NECAB1: variants seen among roughly 807,000 people sequenced by gnomAD.
The protein encoded by NECAB1 is N-terminal EF-hand calcium binding protein 1, also known as N-terminal EF-hand calcium-binding protein 1.
In NECAB1, 29 loss-of-function variants were observed where a neutral mutation model predicts 57.5. That is an observed-to-expected ratio of 0.50 (90% CI 0.38 to 0.69). The LOEUF (loss-of-function observed/expected upper bound fraction) is 0.69. Among genes scored for constraint, NECAB1 ranks in the 30% least tolerant of loss-of-function variants. NECAB1 has a pLI of 0.00. For missense variants in NECAB1, 372 were observed against 413.8 expected (o/e 0.90, Z 0.88); for synonymous variants, 142 against 147.7 (o/e 0.96, Z 0.28).
chr8:90,856,182 G>C (rs1812790812), intron 3 of NECAB1, among the ~76,000 whole-genome samples: 1 of 152,162 alleles, frequency 6.6e-6, no homozygotes, highest in African/African-American at 2.4e-5. Flanking sequence ...CAAGGTAACA[G>C]TTTCAGTCAC....
chr8:90,792,444 C>A (rs1232178338), intron 1 of NECAB1, among the ~76,000 whole-genome samples: 8 of 152,194 alleles, frequency 5.3e-5, no homozygotes, highest in African/African-American at 1.9e-4. Flanking sequence ...CTCCCCCAGA[C>A]CCCCTCGGAA....
At chr8:90,917,961 CAT>C (rs775167636) in intron 6 of NECAB1, among the ~76,000 whole-genome samples, 174 of 38,262 alleles carry the variant, frequency 4.5e-3, no homozygotes, top group Middle Eastern at 0.014. Flanking sequence ...TACACACACA[CAT>C]ATGTGTGTGT....
chr8:90,876,470 G>A (rs1176122808), intron 4 of NECAB1, among the ~76,000 whole-genome samples: 1 of 151,958 alleles, frequency 6.6e-6, no homozygotes, highest in Non-Finnish European at 1.5e-5. Flanking sequence ...CTAAACTCAT[G>A]AGAATACTTT....
chr8:90,841,225 ACTCCAGCCTAGGTGACAGAG>A (rs1236422792), intron 3 of NECAB1, among the ~76,000 whole-genome samples: 1 of 151,614 alleles, frequency 6.6e-6, no homozygotes, highest in Admixed American at 6.6e-5. Flanking sequence ...GCATCACTGC[ACTCCAGCCTAGGTGACAGAG>A]CGAGACTCTG....
At chr8:90,832,125 TACTGAAACCCATTTACTTGCTTTA>T (rs1465332836) in intron 3 of NECAB1, among the ~76,000 whole-genome samples, 2 of 152,156 alleles carry the variant, frequency 1.3e-5, no homozygotes, top group Non-Finnish European at 2.9e-5. Flanking sequence ...CTTCAACAAT[TACTGAAACCCATTTACTTGCTTTA>T]ACTGAAACCC....
At chr8:90,864,060 C>T (rs941627268) in intron 3 of NECAB1, among the ~76,000 whole-genome samples, 9 of 151,952 alleles carry the variant, frequency 5.9e-5, no homozygotes, top group Non-Finnish European at 7.4e-5. Flanking sequence ...TGTTTAGAAA[C>T]GTTTATAGCA....
chr8:90,820,355 C>T (rs1303162630), intron 2 of NECAB1, among the ~76,000 whole-genome samples: 1 of 151,732 alleles, frequency 6.6e-6, no homozygotes, highest in Non-Finnish European at 1.5e-5. Flanking sequence ...TGTTTTAAAA[C>T]AAATATATGA....
chr8:90,930,040 A>C (rs73298056), intron 8 of NECAB1, among the ~76,000 whole-genome samples: 4,936 of 152,322 alleles, frequency 0.032, 253 homozygotes, highest in African/African-American at 0.11. Context: ...ACCAAAAAAA[A>C]TCCTTTAGAT....
intron 5 of NECAB1, among the ~76,000 whole-genome samples, chr8:90,913,776 G>A (rs546048970): frequency 1.3e-5 from 2 of 152,276 alleles, no homozygotes; most frequent in South Asian, 4.1e-4. Context: ...AACATCTGCT[G>A]CATATCTGAG....
chr8:90,824,794 CT>C lies in NECAB1; in HGVS notation c.206del (p.Phe69SerfsTer32). On this transcript the variant is annotated frameshift_variant, in exon 3 of 13. Transcript: ENST00000417640. LOFTEE classifies it high-confidence loss of function. ...TCTCAGTGGAGAAGAATTACACGAG[CT>C]TTTCCATACCATTGATACACATAAT... ...GVLSGEELHE[L>X]FHTIDTHNTN... is the part of the protein sequence containing the mutation. 2 of 1,548,882 alleles carry C rather than the reference CT, an allele frequency of 1.3e-6. No individual in the cohort carries two copies. The highest frequency in any genetic ancestry group is 1.7e-6 in the Non-Finnish European group (2 of 1,143,728).
intron 5 of NECAB1, among the ~76,000 whole-genome samples, chr8:90,898,101 G>C (rs1195608356): frequency 6.6e-6 from 1 of 152,012 alleles, no homozygotes; most frequent in African/African-American, 2.4e-5. Flanking sequence ...CTTGCCTATA[G>C]AACATCTCTG....
At chr8:90,886,168 A>G (rs1808981125) in intron 5 of NECAB1, among the ~76,000 whole-genome samples, 1 of 152,206 alleles carries the variant, frequency 6.6e-6, no homozygotes, top group Non-Finnish European at 1.5e-5. Context: ...TTTACTTACT[A>G]GAATGAAATA....
chr8:90,868,396 A>G (rs1808558711), intron 3 of NECAB1, among the ~76,000 whole-genome samples: 1 of 152,206 alleles, frequency 6.6e-6, no homozygotes, highest in Non-Finnish European at 1.5e-5. Flanking sequence ...AGAAGAAGAC[A>G]GGAAGATGAG....
At chr8:90,824,046 CA>C (rs11354220) in intron 2 of NECAB1, among the ~76,000 whole-genome samples, 151,888 of 151,888 alleles carry the variant, frequency 1, 75,944 homozygotes, top group Non-Finnish European at 1. Flanking sequence ...TTTTGTTACC[CA>C]AAACTCCCAT....
chr8:90,854,152 A>G (rs768951387), intron 3 of NECAB1, among the ~76,000 whole-genome samples: 16 of 152,260 alleles, frequency 1.1e-4, no homozygotes, highest in Middle Eastern at 3.4e-3. Flanking sequence ...GTCAATTTCT[A>G]TATTTATTCA....
intron 3 of NECAB1, among the ~76,000 whole-genome samples, chr8:90,836,027 C>T (rs903545026): frequency 3.9e-5 from 6 of 152,134 alleles, no homozygotes; most frequent in African/African-American, 1.4e-4. Flanking sequence ...CTCAGTTAAA[C>T]TCAAGCACTT....
At chr8:90,951,843 G>A (rs1020343573) in intron 12 of NECAB1, among the ~76,000 whole-genome samples, 1 of 152,188 alleles carries the variant, frequency 6.6e-6, no homozygotes, top group Middle Eastern at 3.4e-3. Context: ...TTGGAGAAGT[G>A]ATTACTTCTT....
intron 2 of NECAB1, among the ~76,000 whole-genome samples, chr8:90,803,654 C>T (rs996193365): frequency 1.3e-5 from 2 of 152,102 alleles, no homozygotes; most frequent in African/African-American, 4.8e-5. Flanking sequence ...CCTTCCTTAC[C>T]GCCTCTCCTA....
intron 5 of NECAB1, among the ~76,000 whole-genome samples, chr8:90,881,346 G>T (rs1371561337): frequency 6.6e-6 from 1 of 152,198 alleles, no homozygotes; most frequent in East Asian, 1.9e-4. Context: ...GATACAAAGA[G>T]CTGTTAGAAT....
Sources: allele counts gnomAD v4.1 joint callset (sites outside exome capture counted in the v4.1 genomes callset), GRCh38; gene constraint gnomAD v4.1.1; transcripts MANE v1.5; gene names NCBI Gene and HGNC (gene_info 2026-07-23, HGNC 2026-07-21).